FHIT: variants seen among roughly 807,000 people sequenced by gnomAD.
FHIT encodes fragile histidine triad diadenosine triphosphatase.
Under a neutral mutation model 17.9 loss-of-function variants are expected in FHIT, and 19 were observed. That is an observed-to-expected ratio of 1.06 (90% CI 0.74 to 1.56). FHIT has a LOEUF of 1.56. Ranked by LOEUF, FHIT falls within the 40% of genes most tolerant of loss-of-function variation. The pLI, the probability that FHIT is intolerant of heterozygous loss-of-function variation, is 0.00. For synonymous variants in FHIT, 81 were observed against 69.7 expected (o/e 1.16, Z -0.81); for missense variants, 248 against 189.2 (o/e 1.31, Z -1.82).
intron 4 of FHIT, among the ~76,000 whole-genome samples, chr3:60,609,018 T>C (rs1339105042): frequency 3.6e-5 from 5 of 138,808 alleles, no homozygotes; most frequent in Non-Finnish European, 6.3e-5. Flanking sequence ...TCACGCACAA[T>C]TTGGAAAAAA....
At chr3:60,369,748 C>T (rs1700248389) in intron 5 of FHIT, among the ~76,000 whole-genome samples, 1 of 152,132 alleles carries the variant, frequency 6.6e-6, no homozygotes, top group Admixed American at 6.5e-5. Context: ...TCCAATATCT[C>T]TCAGCATTGT....
intron 4 of FHIT, among the ~76,000 whole-genome samples, chr3:60,626,677 GTTTC>G (rs1163134592): frequency 2.0e-5 from 3 of 151,174 alleles, no homozygotes; most frequent in African/African-American, 7.3e-5. Flanking sequence ...TATGAATGCA[GTTTC>G]TTTTTCTTGC....
At chr3:60,064,542 G>A (rs1702421361) in intron 5 of FHIT, among the ~76,000 whole-genome samples, 1 of 152,156 alleles carries the variant, frequency 6.6e-6, no homozygotes, top group African/African-American at 2.4e-5. Context: ...AATGATGAGG[G>A]ACAGGGACAG....
At chr3:59,871,238 G>A (rs981057052) in intron 8 of FHIT, among the ~76,000 whole-genome samples, 1 of 152,122 alleles carries the variant, frequency 6.6e-6, no homozygotes, top group Non-Finnish European at 1.5e-5. Flanking sequence ...CACCTCTGCA[G>A]CCACCAGAAT....
At chr3:60,756,110 T>C (rs192804012) in intron 4 of FHIT, among the ~76,000 whole-genome samples, 9 of 152,314 alleles carry the variant, frequency 5.9e-5, no homozygotes, top group African/African-American at 2.2e-4. Context: ...AGAGAATGCA[T>C]TCAAAGTGTA....
chr3:61,168,473 C>G (rs1354920075), intron 2 of FHIT, among the ~76,000 whole-genome samples: 3 of 152,250 alleles, frequency 2.0e-5, no homozygotes, highest in African/African-American at 7.2e-5. Context: ...GCACAACTTT[C>G]TCAATTTCAC....
chr3:60,401,048 C>T (rs749589310), intron 5 of FHIT, among the ~76,000 whole-genome samples: 5 of 152,198 alleles, frequency 3.3e-5, no homozygotes, highest in Middle Eastern at 3.4e-3. Context: ...ATCATTGATA[C>T]GGCTGGCCTG....
chr3:60,581,907 C>T (rs1483842683), intron 4 of FHIT, among the ~76,000 whole-genome samples: 5 of 151,702 alleles, frequency 3.3e-5, no homozygotes, highest in Non-Finnish European at 7.4e-5. Context: ...AGTAAATTTC[C>T]CTGGAGATGA....
chr3:60,211,370 A>G (rs1206227705), intron 5 of FHIT, among the ~76,000 whole-genome samples: 1 of 152,102 alleles, frequency 6.6e-6, no homozygotes, highest in Non-Finnish European at 1.5e-5. Context: ...GAAACAGAGT[A>G]TAAGGGAGAT....
intron 4 of FHIT, among the ~76,000 whole-genome samples, chr3:60,642,192 A>G (rs1415583506): frequency 1.3e-5 from 2 of 152,138 alleles, no homozygotes; most frequent in Admixed American, 6.5e-5. Context: ...AGCCCAGGTG[A>G]CACAGTCAAC....
chr3:60,565,298 G>A (rs540114297), intron 4 of FHIT, among the ~76,000 whole-genome samples: 1 of 152,140 alleles, frequency 6.6e-6, no homozygotes, highest in South Asian at 2.1e-4. Context: ...TATCTTTGAG[G>A]TATGGCTGTA....
At chr3:60,475,624 A>G (rs1446079302) in intron 5 of FHIT, among the ~76,000 whole-genome samples, 2 of 152,174 alleles carry the variant, frequency 1.3e-5, no homozygotes, top group African/African-American at 4.8e-5. Context: ...CATCACTTTG[A>G]TACCTGTCAA....
At chr3:60,337,217 G>A (rs9813221) in intron 5 of FHIT, among the ~76,000 whole-genome samples, 146,659 of 152,240 alleles carry the variant, frequency 0.96, 70,673 homozygotes, top group East Asian at 1. Flanking sequence ...TCGAAAGGTA[G>A]GAAAAATCGC....
At chr3:60,870,158 T>G (rs1704345682) in intron 3 of FHIT, among the ~76,000 whole-genome samples, 1 of 152,110 alleles carries the variant, frequency 6.6e-6, no homozygotes, top group Non-Finnish European at 1.5e-5. Context: ...TCAGCATGTA[T>G]GAGCAACAGT....
intron 7 of FHIT, among the ~76,000 whole-genome samples, chr3:59,961,242 G>A (rs1707663701): frequency 6.6e-6 from 1 of 152,082 alleles, no homozygotes; most frequent in Admixed American, 6.5e-5. Context: ...TTATGGAAAT[G>A]GAAATGCAGA....
chr3:60,630,370 A>G (rs377253782), intron 4 of FHIT, among the ~76,000 whole-genome samples: 1 of 152,182 alleles, frequency 6.6e-6, no homozygotes, highest in East Asian at 1.9e-4. Context: ...GGGAGACTAA[A>G]ATGCCTAAGC....
chr3:59,891,154 T>C (rs372985665), intron 8 of FHIT, among the ~76,000 whole-genome samples: 16 of 152,182 alleles, frequency 1.1e-4, no homozygotes, highest in African/African-American at 3.1e-4. Context: ...TGAAAAGCTA[T>C]GGTTTAAAAA....
At chr3:60,146,249 T>TA (rs5849335) in intron 5 of FHIT, among the ~76,000 whole-genome samples, 111,171 of 144,016 alleles carry the variant, frequency 0.77, 43,055 homozygotes, top group African/African-American at 0.8. Flanking sequence ...TATACTCATT[T>TA]AAAAAAAAAA....
chr3:60,244,083 A>T (rs1169186536), intron 5 of FHIT, among the ~76,000 whole-genome samples: 9 of 152,112 alleles, frequency 5.9e-5, no homozygotes, highest in Non-Finnish European at 8.8e-5. Flanking sequence ...AGTTCCCATC[A>T]AGCCAGTATA....
Sources: gnomAD v4.1 joint callset for allele counts (sites outside exome capture counted in the v4.1 genomes callset) on GRCh38, gnomAD v4.1.1 for gene constraint, MANE v1.5 for transcripts, NCBI Gene and HGNC (gene_info 2026-07-23, HGNC 2026-07-21) for gene names.